The following USP32 variants were observed in gnomAD, a reference collection of about 807,000 sequenced individuals.
USP32 encodes the protein ubiquitin specific peptidase 32, also known as ubiquitin carboxyl-terminal hydrolase 32.
USP32 carries 59 observed loss-of-function variants against 204.8 expected under a neutral mutation model. The observed-to-expected ratio is 0.29, with a 90% CI of 0.23 to 0.36. The LOEUF is 0.36. USP32 is among the 10% of genes least tolerant of loss of function. USP32 has a pLI of 1.00. For synonymous variants in USP32, 517 were observed against 678.4 expected (o/e 0.76, Z 3.70); for missense variants, 1,160 against 1,946.4 (o/e 0.60, Z 7.60).
intron 11 of USP32, among the ~76,000 whole-genome samples, chr17:60,241,327 T>C (rs1278773145): frequency 6.6e-6 from 1 of 152,232 alleles, no homozygotes; most frequent in Non-Finnish European, 1.5e-5. Flanking sequence ...AAATAAGGTA[T>C]GTTCTGCTCT....
intron 2 of USP32, among the ~76,000 whole-genome samples, chr17:60,301,988 C>T (rs187276554): frequency 6.6e-6 from 1 of 152,178 alleles, no homozygotes; most frequent in Admixed American, 6.5e-5. Flanking sequence ...AGAAACCATA[C>T]AGTACTCCAT....
chr17:60,253,366 G>A (rs768032258), intron 10 of USP32, among the ~76,000 whole-genome samples: 11 of 151,230 alleles, frequency 7.3e-5, no homozygotes, highest in African/African-American at 1.2e-4. Context: ...CAAAAAGTTC[G>A]TACACTCAAC....
At chr17:60,331,345 T>C (rs1214436253) in intron 2 of USP32, among the ~76,000 whole-genome samples, 1 of 152,110 alleles carries the variant, frequency 6.6e-6, no homozygotes, top group African/African-American at 2.4e-5. Flanking sequence ...GCAGGCGGAC[T>C]GCTTGAGTCC....
chr17:60,352,463 C>T (rs1040023160), intron 1 of USP32, among the ~76,000 whole-genome samples: 2 of 152,122 alleles, frequency 1.3e-5, no homozygotes, highest in South Asian at 2.1e-4. Context: ...TCCAGATTTA[C>T]GTGTGAGAAA....
chr17:60,192,937 C>T lies in USP32; in HGVS notation c.3435-7G>A, dbSNP rs1393222821. 6.2e-7 allele frequency: 1 copy of T among 1,613,316 alleles called. No individual in the cohort carries two copies. The highest frequency in any genetic ancestry group is 8.5e-7 in the Non-Finnish European group (1 of 1,179,366). On this transcript the variant is annotated splice_region_variant and splice_polypyrimidine_tract_variant and intron_variant, in intron 27 of 33. Transcript: ENST00000300896. The stretch of plus-strand genomic sequence containing the variant: ...ATAGCCCATACTGTCGTCACTGAAA[C>T]AGAAGAGAACAAAAAGAGTGTAAGA...
intron 2 of USP32, among the ~76,000 whole-genome samples, chr17:60,329,533 T>A (rs895790839): frequency 1.3e-5 from 2 of 151,904 alleles, no homozygotes; most frequent in Non-Finnish European, 2.9e-5. Context: ...GGCCTTGAAC[T>A]CCTGGCCTCA....
upstream of USP32, among the ~76,000 whole-genome samples, chr17:60,393,412 C>T (rs1248100887): frequency 6.6e-6 from 1 of 152,144 alleles, no homozygotes; most frequent in Non-Finnish European, 1.5e-5. Context: ...CTATAGGAAA[C>T]CATAAATGGA....
intron 28 of USP32, among the ~76,000 whole-genome samples, chr17:60,192,074 C>A (rs1229277430): frequency 6.6e-6 from 1 of 151,926 alleles, no homozygotes; most frequent in East Asian, 2.0e-4. Context: ...GTGGGTGGAT[C>A]ACCTGAGGTC....
At chr17:60,297,911 C>T (rs761382227) in intron 3 of USP32, among the ~76,000 whole-genome samples, 9 of 152,290 alleles carry the variant, frequency 5.9e-5, no homozygotes, top group Middle Eastern at 6.8e-3. Flanking sequence ...ACAGCTTTGA[C>T]TGGACAAGAG....
At chr17:60,349,626 A>ATATATATATATATAT (rs2088894242) in intron 1 of USP32, among the ~76,000 whole-genome samples, 5 of 76,270 alleles carry the variant, frequency 6.6e-5, no homozygotes, top group East Asian at 3.5e-4. Context: ...TATATATATT[A>ATATATATATATATAT]TATATATATA....
intron 28 of USP32, among the ~76,000 whole-genome samples, chr17:60,192,527 T>G (rs374460845): frequency 2.0e-5 from 3 of 152,156 alleles, no homozygotes; most frequent in African/African-American, 7.2e-5. Flanking sequence ...CGCTGCCTCC[T>G]GGGTTCAAGC....
chr17:60,288,457 CAT>C, intron 5 of USP32, 64 bp downstream of exon 5: 1 of 1,506,838 alleles, frequency 6.6e-7, no homozygotes. Context: ...AGCATATTCT[CAT>C]ATTACCAGCC....
At chr17:60,213,351 A>G (rs1488225189) in intron 18 of USP32, among the ~76,000 whole-genome samples, 2 of 152,240 alleles carry the variant, frequency 1.3e-5, no homozygotes, top group Non-Finnish European at 2.9e-5. Context: ...TTGTCAGTCA[A>G]TGACTAAAAA....
chr17:60,326,092 G>A (rs548162928), intron 2 of USP32, among the ~76,000 whole-genome samples: 4 of 151,846 alleles, frequency 2.6e-5, no homozygotes, highest in African/African-American at 9.7e-5. Context: ...GGTAAGGATA[G>A]GAACTCTTGT....
intron 1 of USP32, among the ~76,000 whole-genome samples, chr17:60,402,626 T>G (rs575380553): frequency 6.6e-6 from 1 of 152,354 alleles, no homozygotes; most frequent in African/African-American, 2.4e-5. Context: ...TTACTTTGCT[T>G]ACATGAGTAT....
At chr17:60,187,331 T>C (rs2084276041) in intron 29 of USP32, among the ~76,000 whole-genome samples, 1 of 152,166 alleles carries the variant, frequency 6.6e-6, no homozygotes, top group Non-Finnish European at 1.5e-5. Context: ...AGGAAAATTC[T>C]TTTTTTAGAA....
chr17:60,184,658 A>C (rs1176299328), intron 30 of USP32, among the ~76,000 whole-genome samples: 1 of 151,904 alleles, frequency 6.6e-6, no homozygotes, highest in African/African-American at 2.4e-5. Flanking sequence ...AAAGTACAAA[A>C]ATTAGCCGGG....
At position 60,177,377 on chromosome 17, in the gene USP32, A is replaced by G. The variant is rs2083992856; in HGVS notation, c.*1878T>C. 6.6e-6 allele frequency among the ~76,000 whole-genome samples: 1 copy of G among 152,238 alleles called. No individual in the cohort carries two copies. Among genetic ancestry groups the G allele is most frequent in the Non-Finnish European group, 1.5e-5 (1 of 68,042 alleles). On this transcript the variant is annotated 3_prime_UTR_variant, in exon 34 of 34. Transcript: ENST00000300896. ...TTACACTCTATTTATGTACATTAAC[A>G]TCTTTCTAAAGTCAGTGCATTGTCA...
At chr17:60,356,972 T>C (rs956727742) in intron 1 of USP32, among the ~76,000 whole-genome samples, 5 of 152,180 alleles carry the variant, frequency 3.3e-5, no homozygotes, top group East Asian at 3.8e-4. Flanking sequence ...TGAGATGAGA[T>C]GGATATTATA....
Sources: allele counts gnomAD v4.1 joint callset (sites outside exome capture counted in the v4.1 genomes callset), GRCh38; gene constraint gnomAD v4.1.1; transcripts MANE v1.5; gene names NCBI Gene and HGNC (gene_info 2026-07-23, HGNC 2026-07-21).